RELL1: variants seen among roughly 807,000 people sequenced by gnomAD.
RELL1 encodes RELT-like protein 1.
In RELL1, 10 loss-of-function variants were observed where a neutral mutation model predicts 23.0. That is an observed-to-expected ratio of 0.43 (90% CI 0.27 to 0.74). The LOEUF (loss-of-function observed/expected upper bound fraction) is 0.74, where lower values mean the gene tolerates loss of function less well. Ranked by LOEUF, RELL1 falls within the 30% of genes least tolerant of loss-of-function variation. RELL1 has a pLI of 0.19. For missense variants in RELL1, 315 were observed against 364.4 expected (o/e 0.86, Z 1.10); for synonymous variants, 146 against 146.8 (o/e 0.99, Z 0.04).
intron 6 of RELL1, among the ~76,000 whole-genome samples, chr4:37,619,190 A>AT (rs997592768): frequency 2.4e-4 from 26 of 110,106 alleles, no homozygotes; most frequent in East Asian, 5.3e-4. Flanking sequence ...CCTGCACCAC[A>AT]TTTTTTTTTT....
chr4:37,640,036 A>C (rs1720471566), intron 3 of RELL1, among the ~76,000 whole-genome samples: 1 of 152,222 alleles, frequency 6.6e-6, no homozygotes. Context: ...GTTATGTACT[A>C]TACACATATC....
intron 3 of RELL1, among the ~76,000 whole-genome samples, chr4:37,646,105 G>A (rs1011648512): frequency 1.3e-5 from 2 of 152,258 alleles, no homozygotes; most frequent in East Asian, 3.9e-4. Context: ...CAAAGCCCAG[G>A]GGAAACATTT....
chr4:37,645,168 G>A (rs1290703678), intron 3 of RELL1, among the ~76,000 whole-genome samples: 2 of 152,158 alleles, frequency 1.3e-5, no homozygotes, highest in Non-Finnish European at 2.9e-5. Flanking sequence ...TCAACTGCCA[G>A]TACCCATTTC....
chr4:37,662,249 CTAATGATAATTATCATTTT>C (rs1366389741), intron 1 of RELL1, among the ~76,000 whole-genome samples: 1 of 152,140 alleles, frequency 6.6e-6, no homozygotes, highest in Non-Finnish European at 1.5e-5. Flanking sequence ...ATTATCATTA[CTAATGATAATTATCATTTT>C]TAATGGGAAA....
chr4:37,640,093 A>G (rs1190751666), intron 3 of RELL1, among the ~76,000 whole-genome samples: 2 of 152,284 alleles, frequency 1.3e-5, no homozygotes, highest in East Asian at 3.9e-4. Context: ...CCCCGATCCA[A>G]TTTTTATCTT....
At chr4:37,622,423 T>C (rs1719798824) in intron 6 of RELL1, among the ~76,000 whole-genome samples, 1 of 152,236 alleles carries the variant, frequency 6.6e-6, no homozygotes. Context: ...CAAAGATTTA[T>C]TTTTGGGATT....
chr4:37,600,226 C>A (rs1170171312), intron 6 of RELL1, among the ~76,000 whole-genome samples: 1 of 147,914 alleles, frequency 6.8e-6, no homozygotes, highest in Non-Finnish European at 1.5e-5. Flanking sequence ...GCCAAGATTG[C>A]GCCACTGCAC....
chr4:37,597,599 C>T (rs2973277), intron 6 of RELL1, among the ~76,000 whole-genome samples: 119,185 of 151,748 alleles, frequency 0.79, 47,121 homozygotes, highest in Non-Finnish European at 0.82. Flanking sequence ...CATCAGCCGA[C>T]GTGCTGCTCT....
At chr4:37,608,562 G>GAGGAAGCTGCAGAAAAAAGGT (rs1560326109), downstream of RELL1, among the ~76,000 whole-genome samples, 2 of 152,038 alleles carry the variant, frequency 1.3e-5, no homozygotes, top group Non-Finnish European at 2.9e-5. Context: ...TGAAAGAAGT[G>GAGGAAGCTGCAGAAAAAAGGT]AGGAAGCTGC....
chr4:37,605,266 T>C (rs1719159987), intron 6 of RELL1, among the ~76,000 whole-genome samples: 1 of 152,166 alleles, frequency 6.6e-6, no homozygotes, highest in Admixed American at 6.5e-5. Context: ...TATGTATATA[T>C]GTGTGTACAG....
downstream of RELL1, among the ~76,000 whole-genome samples, chr4:37,605,834 A>G (rs1719190105): frequency 1.6e-5 from 2 of 122,574 alleles, no homozygotes; most frequent in African/African-American, 2.6e-5. Flanking sequence ...AAAGAAAGAA[A>G]GAAAGAAAGA....
At chr4:37,590,267 C>G, downstream of RELL1, 2 of 1,614,172 alleles carry the variant, frequency 1.2e-6, no homozygotes, top group Non-Finnish European at 1.7e-6. Context: ...AGCAGGACAG[C>G]TGATCCATGG....
rs35282918 is a variant in RELL1 at position 37,592,353 on chromosome 4, G to GGA, written c.*4-1137_*4-1136insTC. Among the ~76,000 whole-genome samples the GGA allele has an allele frequency of 5.5e-3, 596 of 108,156 alleles. 22 individuals carry two copies. Among genetic ancestry groups the GGA allele is most frequent in the Non-Finnish European group, 6.2e-3 (311 of 50,528 alleles). 71.0% of individuals were successfully genotyped at this position (108,156 alleles called of 152,430 possible). A position where few individuals can be genotyped will look rare whatever the true frequency, so the allele number is the denominator to read the frequency against. ...CAATTTAGCGAGACCCCATCTCTAT[G>GGA]AAAAAAAAAAAAAAAAAAAGAGCTA... On this transcript the variant is annotated intron_variant, in intron 6 of 6. Transcript: ENST00000314117.
At chr4:37,662,932 G>C (rs1721405482) in intron 1 of RELL1, among the ~76,000 whole-genome samples, 1 of 152,178 alleles carries the variant, frequency 6.6e-6, no homozygotes, top group Admixed American at 6.5e-5. Flanking sequence ...AGGCTCATCT[G>C]ACCTGGCCTC....
chr4:37,636,930 CT>C (rs1396176600), intron 4 of RELL1, among the ~76,000 whole-genome samples: 1 of 152,198 alleles, frequency 6.6e-6, no homozygotes, highest in Non-Finnish European at 1.5e-5. Flanking sequence ...AGCCAAAAGT[CT>C]TCTGGTGCTC....
chr4:37,671,082 A>G (rs7678604), intron 1 of RELL1, among the ~76,000 whole-genome samples: 150,430 of 152,268 alleles, frequency 0.99, 74,329 homozygotes, highest in South Asian at 1. Context: ...GATACCACCT[A>G]GCATTTAGTG....
intron 1 of RELL1, among the ~76,000 whole-genome samples, chr4:37,664,934 C>A (rs1470685599): frequency 6.6e-6 from 1 of 152,110 alleles, no homozygotes; most frequent in Non-Finnish European, 1.5e-5. Flanking sequence ...GGACACAGAA[C>A]TCGCCGGAAA....
At position 37,647,453 on chromosome 4, in the gene RELL1, G is replaced by A. The variant is rs765818990; in HGVS notation, c.314-14C>T. The A allele has an allele frequency of 4.0e-5, 63 of 1,590,530 alleles. No homozygotes were observed. The highest frequency in any genetic ancestry group is 5.1e-5 in the Non-Finnish European group (59 of 1,159,102). The stretch of plus-strand genomic sequence containing the variant: ...TGTCATTCAATTCTGAAAGAGAAAA[G>A]AGGAGGGGAGAACAGGTTACAATTG... On this transcript the variant is annotated splice_polypyrimidine_tract_variant and intron_variant, in intron 2 of 6. Transcript: ENST00000454158.
rs773959986 is a variant in RELL1, at chr4:37,686,293, C to G, written c.-6G>C. 6.6e-7 allele frequency: 1 copy of G among 1,509,522 alleles called. No homozygotes were observed. Among genetic ancestry groups the G allele is most frequent in the Admixed American group, 2.1e-5 (1 of 48,202 alleles). The allele number at this position is 1,509,522 out of a possible 1,614,324, so 93.5% of individuals were successfully genotyped here. ...GGGAGTGCCCGCGGAGCCATCGCCGCGTCGCTTCGCCCTCCTCCCCCAGGG... is the reference window on the plus strand; with the variant it reads ...GGGAGTGCCCGCGGAGCCATCGCCGGGTCGCTTCGCCCTCCTCCCCCAGGG... On this transcript the variant is annotated 5_prime_UTR_variant, in exon 1 of 7. Coordinates refer to ENST00000454158, the MANE Select transcript of RELL1 (RefSeq NM_001085400.2).
Sources: allele counts gnomAD v4.1 joint callset (sites outside exome capture counted in the v4.1 genomes callset), GRCh38; gene constraint gnomAD v4.1.1; transcripts MANE v1.5; gene names NCBI Gene and HGNC (gene_info 2026-07-23, HGNC 2026-07-21).